Variants in KCNIP3 observed in about 807,000 individuals in gnomAD.
The protein encoded by KCNIP3 is potassium voltage-gated channel interacting protein 3, also known as calsenilin.
A neutral mutation model predicts 35.0 loss-of-function variants in KCNIP3; 28 were observed. That is an observed-to-expected ratio of 0.80 (90% CI 0.59 to 1.10). The LOEUF (loss-of-function observed/expected upper bound fraction) is 1.10, where lower values mean the gene tolerates loss of function less well. Ranked by LOEUF, KCNIP3 falls within the 50% of genes least tolerant of loss-of-function variation. KCNIP3 has a pLI of 0.00. For synonymous variants in KCNIP3, 134 were observed against 133.8 expected (o/e 1.00, Z -0.01); for missense variants, 295 against 338.4 (o/e 0.87, Z 1.01).
intron 1 of KCNIP3, among the ~76,000 whole-genome samples, chr2:95,301,579 C>T (rs1221249566): frequency 6.6e-6 from 1 of 152,218 alleles, no homozygotes; most frequent in Non-Finnish European, 1.5e-5. Context: ...TGATCCTATA[C>T]CAACCAGCTT....
At chr2:95,347,101 C>T (rs1679393936) in intron 2 of KCNIP3, 1 of 1,611,380 alleles carries the variant, frequency 6.2e-7, no homozygotes, top group African/African-American at 1.3e-5. Flanking sequence ...GTTCGGCATC[C>T]TGGAGCCCAT....
At chr2:95,319,215 G>A (rs967894905) in intron 2 of KCNIP3, among the ~76,000 whole-genome samples, 1 of 152,218 alleles carries the variant, frequency 6.6e-6, no homozygotes, top group African/African-American at 2.4e-5. Flanking sequence ...GGAGGAAGGC[G>A]GACCCTGCTG....
chr2:95,307,959 A>G (rs1678218010), intron 1 of KCNIP3, among the ~76,000 whole-genome samples: 1 of 152,236 alleles, frequency 6.6e-6, no homozygotes, highest in African/African-American at 2.4e-5. Flanking sequence ...AATAATGGAG[A>G]AAGTGCGTTT....
At chr2:95,345,811 C>T (rs1323114142) in intron 2 of KCNIP3, among the ~76,000 whole-genome samples, 1 of 152,256 alleles carries the variant, frequency 6.6e-6, no homozygotes, top group Non-Finnish European at 1.5e-5. Flanking sequence ...TTTTCTCCTT[C>T]CTTTTCGCGG....
At chr2:95,347,375 T>C (rs1215037724) in intron 2 of KCNIP3, among the ~76,000 whole-genome samples, 1 of 152,196 alleles carries the variant, frequency 6.6e-6, no homozygotes. Context: ...GGACAGCTCC[T>C]GCCATCCTAG....
intron 2 of KCNIP3, among the ~76,000 whole-genome samples, chr2:95,354,105 G>A (rs1166703445): frequency 6.6e-6 from 1 of 152,206 alleles, no homozygotes; most frequent in Non-Finnish European, 1.5e-5. Context: ...TTCCTCACCT[G>A]TAAGTGAGGG....
rs199875087 is a variant in KCNIP3 at position 95,375,180 on chromosome 2, C to T, written c.419C>T (p.Ala140Val). The T allele has an allele frequency of 6.6e-5, 106 of 1,614,166 alleles. No homozygotes were observed. Among genetic ancestry groups the T allele is most frequent in the South Asian group, 3.3e-4 (30 of 91,084 alleles). Reference sequence around the variant, plus strand: ...CACTTCCTCTTCAACGCCTTTGATGCGGACGGGAACGGGGCCATCCACTTT... The same window carrying T: ...CACTTCCTCTTCAACGCCTTTGATGTGGACGGGAACGGGGCCATCCACTTT... ...YAHFLFNAFD[A>V]DGNGAIHFED... is the part of the protein sequence containing the mutation. Residue 140 changes from alanine (A) to valine (V), a missense_variant, in exon 5 of 9, where the codon GCG becomes GTG. Ala to Val is a moderately conservative substitution (Grantham distance 64). Coordinates refer to ENST00000295225, the MANE Select transcript of KCNIP3 (RefSeq NM_013434.5).
intron 2 of KCNIP3, among the ~76,000 whole-genome samples, chr2:95,341,561 G>C (rs1024987082): frequency 1.2e-4 from 18 of 152,136 alleles, no homozygotes; most frequent in African/African-American, 4.3e-4. Flanking sequence ...TGCGTGTCTT[G>C]AGATGCTTTC....
intron 2 of KCNIP3, among the ~76,000 whole-genome samples, chr2:95,322,735 G>A (rs80255336): frequency 0.023 from 3,567 of 152,252 alleles, 135 homozygotes; most frequent in African/African-American, 0.082. Context: ...TCCCCACCCC[G>A]CTTATCCCGG....
intron 2 of KCNIP3, among the ~76,000 whole-genome samples, chr2:95,334,290 G>T (rs1573497236): frequency 1.3e-5 from 2 of 152,258 alleles, no homozygotes; most frequent in East Asian, 3.9e-4. Flanking sequence ...TAGTTAGCAT[G>T]TCCCATAGGA....
At chr2:95,355,912 A>T (rs1418393136) in intron 2 of KCNIP3, among the ~76,000 whole-genome samples, 1 of 152,208 alleles carries the variant, frequency 6.6e-6, no homozygotes, top group Non-Finnish European at 1.5e-5. Context: ...ATCCCTGAGG[A>T]ATCACCACAC....
At chr2:95,356,388 A>C (rs1188467192) in intron 2 of KCNIP3, among the ~76,000 whole-genome samples, 1 of 152,008 alleles carries the variant, frequency 6.6e-6, no homozygotes, top group African/African-American at 2.4e-5. Flanking sequence ...TTTTGTTGCT[A>C]TTGCTTTTGG....
At chr2:95,372,145 G>A (rs1680055548) in intron 2 of KCNIP3, among the ~76,000 whole-genome samples, 2 of 152,106 alleles carry the variant, frequency 1.3e-5, no homozygotes, top group South Asian at 4.2e-4. Context: ...CTTGTAAACA[G>A]GATATAATTG....
chr2:95,307,548 G>C (rs1022059612), intron 1 of KCNIP3, among the ~76,000 whole-genome samples: 3 of 152,338 alleles, frequency 2.0e-5, no homozygotes, highest in Non-Finnish European at 4.4e-5. Flanking sequence ...GCTCAACATA[G>C]ACATCCACTT....
chr2:95,340,590 A>T (rs1307977682), intron 2 of KCNIP3, among the ~76,000 whole-genome samples: 2 of 152,254 alleles, frequency 1.3e-5, no homozygotes, highest in Non-Finnish European at 2.9e-5. Flanking sequence ...TCGGCATGGC[A>T]TGTGACACAA....
At chr2:95,325,538 C>G (rs913729023) in intron 2 of KCNIP3, among the ~76,000 whole-genome samples, 3 of 151,972 alleles carry the variant, frequency 2.0e-5, no homozygotes, top group Non-Finnish European at 2.9e-5. Flanking sequence ...TGTCCTGGAG[C>G]GAGGCAAGAT....
intron 2 of KCNIP3, among the ~76,000 whole-genome samples, chr2:95,341,466 G>A (rs1679192971): frequency 6.6e-6 from 1 of 152,192 alleles, no homozygotes; most frequent in Admixed American, 6.5e-5. Flanking sequence ...ATACTCTAAG[G>A]TCAAGATAGC....
chr2:95,332,621 C>T (rs1021369514), intron 2 of KCNIP3, among the ~76,000 whole-genome samples: 1 of 152,176 alleles, frequency 6.6e-6, no homozygotes, highest in Non-Finnish European at 1.5e-5. Flanking sequence ...CAAGTGTGGG[C>T]CATGGGATAT....
At chr2:95,370,148 T>G (rs1011954209) in intron 2 of KCNIP3, among the ~76,000 whole-genome samples, 1 of 152,246 alleles carries the variant, frequency 6.6e-6, no homozygotes, top group Non-Finnish European at 1.5e-5. Context: ...TATGGTCACA[T>G]TTTCTTGCTT....
Sources: allele counts gnomAD v4.1 joint callset (sites outside exome capture counted in the v4.1 genomes callset), GRCh38; gene constraint gnomAD v4.1.1; transcripts MANE v1.5; gene names NCBI Gene and HGNC (gene_info 2026-07-23, HGNC 2026-07-21).